The following DCP1B variants were observed in gnomAD, a reference collection of about 807,000 sequenced individuals.
DCP1B encodes the protein decapping mRNA 1B, also known as mRNA-decapping enzyme 1B.
In DCP1B, 47 loss-of-function variants were observed where a neutral mutation model predicts 60.5. That is an observed-to-expected ratio of 0.78 (90% CI 0.61 to 0.99). DCP1B has a LOEUF of 0.99. Among genes scored for constraint, DCP1B ranks in the 50% least tolerant of loss-of-function variants. The pLI is 0.00. For synonymous variants in DCP1B, 267 were observed against 280.3 expected, an observed-to-expected ratio of 0.95 and a Z score of 0.47; for missense variants, 725 against 756.8, an observed-to-expected ratio of 0.96 and a Z score of 0.49.
At position 1,962,916 on chromosome 12, in the gene DCP1B, A is replaced by ACTTGTCTAAC. The variant is rs2031173958; in HGVS notation, c.522+2632_522+2641dup. On this transcript the variant is annotated intron_variant, in intron 5 of 8. Transcript: ENST00000280665. This position sits in a 1 kb window ranked among gnomAD's most constrained non-coding sequence, Gnocchi z 4.4. The stretch of plus-strand genomic sequence containing the variant: ...AGTCAAGGCAAAGCATGTTAAAGAA[A>ACTTGTCTAAC]CTTGTCTAACTGCCTATATGTGCCA... 6.6e-6 allele frequency among the ~76,000 whole-genome samples: 1 copy of ACTTGTCTAAC among 152,176 alleles called. No individual in the cohort carries two copies. Among genetic ancestry groups the ACTTGTCTAAC allele is most frequent in the South Asian group, 2.1e-4 (1 of 4,830 alleles).
chr12:1,963,614 C>A (rs764260639), intron 5 of DCP1B, among the ~76,000 whole-genome samples: 1 of 152,170 alleles, frequency 6.6e-6, no homozygotes, highest in Non-Finnish European at 1.5e-5. Context: ...GTAGTCACTC[C>A]TGTTGATGTT....
rs532413170 is a variant in DCP1B, at chr12:1,950,392, G to C, written c.1525-1058C>G. 3.7e-5 allele frequency: 26 copies of C among 702,388 alleles called. No individual in the cohort carries two copies. The South Asian group carries it at 3.8e-4, about 10-fold the overall frequency. The allele number at this position is 702,388 out of a possible 1,614,324, so 43.5% of individuals were successfully genotyped here. A position where few individuals can be genotyped will look rare whatever the true frequency, so the allele number is the denominator to read the frequency against. ...ATTTGTGAGTACTGAAAAGTCAAGG[G>C]AGTTGTACATCAGAAATTTAAGTCA... On this transcript the variant is annotated intron_variant, in intron 7 of 8. Transcript: ENST00000280665.
Position 2,004,278 on chromosome 12 carries a change from G to C in DCP1B, c.150+4C>G. On this transcript the variant is annotated splice_donor_region_variant and intron_variant, in intron 1 of 8. Coordinates refer to ENST00000280665, the MANE Select transcript of DCP1B (RefSeq NM_152640.5). ...CTGCACTGCTCCGCCGCGTCCGCAC[G>C]CACCCACTCGTTGGCCCGATGGCCG... 2 of 1,612,934 alleles carry C rather than the reference G, an allele frequency of 1.2e-6. No individual in the cohort carries two copies. Among genetic ancestry groups the C allele is most frequent in the Non-Finnish European group, 1.7e-6 (2 of 1,179,850 alleles).
chr12:1,977,151 G>C (rs532266655), intron 3 of DCP1B, among the ~76,000 whole-genome samples: 39 of 152,274 alleles, frequency 2.6e-4, no homozygotes, highest in Admixed American at 9.8e-4. Flanking sequence ...GTTAAGAAAA[G>C]ACGTAACAAA....
chr12:1,982,437 C>A (rs755912405), intron 3 of DCP1B, among the ~76,000 whole-genome samples: 5 of 152,140 alleles, frequency 3.3e-5, no homozygotes, highest in Non-Finnish European at 7.4e-5. Flanking sequence ...ATGAATTTGA[C>A]TACTCTAGGT....
At position 1,996,631 on chromosome 12, in the gene DCP1B, A is replaced by C. The variant is rs936725614; in HGVS notation, c.191+1304T>G. On this transcript the variant is annotated intron_variant, in intron 2 of 8. Coordinates refer to ENST00000280665, the MANE Select transcript of DCP1B (RefSeq NM_152640.5). ...GCTGATGAGCTAAAAAAAAAAAAAAAAAAAAAAAAAAAAAAAAAAAAAAAC... is the reference window on the plus strand; with the variant it reads ...GCTGATGAGCTAAAAAAAAAAAAAACAAAAAAAAAAAAAAAAAAAAAAAAC... Among the ~76,000 whole-genome samples, 278 of 107,842 alleles carry C rather than the reference A, an allele frequency of 2.6e-3. 12 individuals are homozygous for C. The highest frequency in any genetic ancestry group is 0.01 in the African/African-American group (258 of 25,376). 70.7% of individuals were successfully genotyped at this position (107,842 alleles called of 152,430 possible).
At chr12:1,959,794 C>T (rs1463632312) in intron 5 of DCP1B, among the ~76,000 whole-genome samples, 1 of 151,916 alleles carries the variant, frequency 6.6e-6, no homozygotes, top group South Asian at 2.1e-4. Context: ...CCCGTCTCTA[C>T]TAAAAATACA....
rs751960737 is a variant in DCP1B at position 1,993,376 on chromosome 12, C to T, written c.207G>A (p.Lys69=). The part of the protein sequence containing the change: ...LFVYTRSASP[K]HGFTIMNRLS... The stretch of plus-strand genomic sequence containing the variant: ...GCCTATTCATAATGGTGAATCCATG[C>T]TTTGGAGAAGCAGACCTAAAAATCA... The change falls in exon 3 of 9, where the codon AAG becomes AAA. Residue 69 remains lysine (K), a synonymous_variant. Transcript: ENST00000280665. 5 of 1,611,416 alleles carry T rather than the reference C, an allele frequency of 3.1e-6. No individual in the cohort carries two copies. Among genetic ancestry groups the T allele is most frequent in the Admixed American group, 1.7e-5 (1 of 59,854 alleles).
chr12:2,001,669 C>T (rs1473518918), intron 1 of DCP1B, among the ~76,000 whole-genome samples: 1 of 152,158 alleles, frequency 6.6e-6, no homozygotes, highest in Non-Finnish European at 1.5e-5. Flanking sequence ...ATATGAAATG[C>T]CTGGGTCTCA....
rs1455715764 is a variant in DCP1B, at chr12:2,004,295, C to G, written c.137G>C (p.Arg46Pro). The G allele has an allele frequency of 2.5e-6, 4 of 1,613,186 alleles. No individual in the cohort carries two copies. The highest frequency in any genetic ancestry group is 2.2e-5 in the South Asian group (2 of 91,036). Residue 46 changes from arginine to proline, a missense_variant, in exon 1 of 9, where the codon CGG becomes CCG. Transcript: ENST00000280665. ...SQVALYTFGH[R>P]ANEWEKTDVE... Reference sequence around the variant, plus strand: ...GTCCGCACGCACCCACTCGTTGGCCCGATGGCCGAAGGTGTACAGAGCCAC... The same window carrying G: ...GTCCGCACGCACCCACTCGTTGGCCGGATGGCCGAAGGTGTACAGAGCCAC...
At chr12:1,947,317 C>T (rs2030469605) in intron 8 of DCP1B, among the ~76,000 whole-genome samples, 1 of 152,194 alleles carries the variant, frequency 6.6e-6, no homozygotes, top group African/African-American at 2.4e-5. Context: ...CCTCTTGGCA[C>T]CCCACACAGA....
At chr12:1,977,463 T>C (rs2034773216) in intron 3 of DCP1B, among the ~76,000 whole-genome samples, 1 of 152,252 alleles carries the variant, frequency 6.6e-6, no homozygotes, top group Non-Finnish European at 1.5e-5. Flanking sequence ...ATGTTCCAGA[T>C]GCCACACAAA....
Position 2,004,170 on chromosome 12 carries a change from T to C in DCP1B, c.150+112A>G, listed in dbSNP as rs1405279426. The C allele has an allele frequency of 1.0e-5, 15 of 1,431,196 alleles. No individual in the cohort carries two copies. The African/African-American group carries it at 2.2e-4, about 21-fold the overall frequency. 88.7% of individuals were successfully genotyped at this position (1,431,196 alleles called of 1,614,324 possible). A position where few individuals can be genotyped will look rare whatever the true frequency, so the allele number is the denominator to read the frequency against. ...GGCCTCAGTCCCCAGATCCACCCAC[T>C]TCCAGGGCGTCAACGTCTCCTCCCC... On this transcript the variant is annotated intron_variant, in intron 1 of 8. Coordinates refer to ENST00000280665, the MANE Select transcript of DCP1B (RefSeq NM_152640.5).
At chr12:1,983,105 A>G in intron 3 of DCP1B, among the ~76,000 whole-genome samples, 1 of 149,430 alleles carries the variant, frequency 6.7e-6, no homozygotes, top group East Asian at 1.9e-4. Context: ...TTCATTTCTG[A>G]TACTGCTAAT....
At chr12:1,973,509 G>A (rs2033216626) in intron 3 of DCP1B, among the ~76,000 whole-genome samples, 1 of 152,158 alleles carries the variant, frequency 6.6e-6, no homozygotes, top group African/African-American at 2.4e-5. Context: ...GTAAAAGACA[G>A]ATTTAATCTT....
chr12:1,971,378 A>C lies in DCP1B; in HGVS notation c.320-3468T>G, dbSNP rs991819538. On this transcript the variant is annotated intron_variant, in intron 3 of 8. Coordinates refer to ENST00000280665, the MANE Select transcript of DCP1B (RefSeq NM_152640.5). The surrounding 1 kb of genome is among the most constrained non-coding windows in gnomAD (Gnocchi z 4.2). ...GCCTGTAACTGCACTATCCTGGTTT[A>C]TGCCGTTCTTTGGAAATTCTCAATT... Among the ~76,000 whole-genome samples, 12 of 152,216 alleles carry C rather than the reference A, an allele frequency of 7.9e-5. No homozygotes were observed. Among genetic ancestry groups the C allele is most frequent in the African/African-American group, 2.9e-4 (12 of 41,456 alleles).
intron 3 of DCP1B, among the ~76,000 whole-genome samples, chr12:1,979,659 G>A (rs535016846): frequency 8.3e-4 from 126 of 152,344 alleles, no homozygotes; most frequent in Non-Finnish European, 1.6e-3. Flanking sequence ...TGGATCATAC[G>A]CTAGTTATAT....
chr12:1,963,212 TC>T (rs770819488), intron 5 of DCP1B, among the ~76,000 whole-genome samples: 1 of 152,224 alleles, frequency 6.6e-6, no homozygotes, highest in Non-Finnish European at 1.5e-5. Flanking sequence ...GGCAGCCTGA[TC>T]CTTCCACTGT....
At chr12:1,985,606 C>T (rs1054865837) in intron 3 of DCP1B, among the ~76,000 whole-genome samples, 3 of 152,046 alleles carry the variant, frequency 2.0e-5, no homozygotes, top group African/African-American at 7.2e-5. Context: ...CTGATTTTTT[C>T]CTTGACAGTT....
Sources: gnomAD v4.1 joint callset for allele counts (sites outside exome capture counted in the v4.1 genomes callset) on GRCh38, gnomAD v4.1.1 for gene constraint, Gnocchi (gnomAD v3.1) non-coding constraint, MANE v1.5 for transcripts, NCBI Gene and HGNC (gene_info 2026-07-23, HGNC 2026-07-21) for gene names.